GRID2: variants seen among roughly 807,000 people sequenced by gnomAD.
GRID2 encodes glutamate receptor ionotropic, delta-2.
A neutral mutation model predicts 114.8 loss-of-function variants in GRID2; 33 were observed. The observed-to-expected ratio is 0.29, with a 90% CI of 0.22 to 0.38. GRID2 has a LOEUF of 0.38. Ranked by LOEUF, GRID2 falls within the 10% of genes least tolerant of loss-of-function variation. GRID2 has a pLI of 1.00. For missense variants in GRID2, 1,184 were observed against 1,257.7 expected (o/e 0.94, Z 0.89); for synonymous variants, 505 against 449.9 (o/e 1.12, Z -1.55).
chr4:92,375,329 G>A (rs954225044), intron 1 of GRID2, among the ~76,000 whole-genome samples: 5 of 152,084 alleles, frequency 3.3e-5, no homozygotes, highest in Admixed American at 2.6e-4. Flanking sequence ...TAAAAGAAGT[G>A]TGCTTAACAT....
intron 1 of GRID2, among the ~76,000 whole-genome samples, chr4:92,571,849 T>A (rs1431689609): frequency 6.6e-6 from 1 of 151,798 alleles, no homozygotes; most frequent in Non-Finnish European, 1.5e-5. Context: ...AACAAAGACA[T>A]AACATACCAG....
chr4:92,775,214 A>C (rs1329575840), intron 2 of GRID2, among the ~76,000 whole-genome samples: 2 of 152,182 alleles, frequency 1.3e-5, no homozygotes, highest in African/African-American at 4.8e-5. Flanking sequence ...CTTAAAATTT[A>C]ATGGGAAGTT....
At chr4:92,484,311 T>A (rs550080388) in intron 1 of GRID2, among the ~76,000 whole-genome samples, 2 of 152,274 alleles carry the variant, frequency 1.3e-5, no homozygotes, top group Non-Finnish European at 2.9e-5. Context: ...AATGATTCAG[T>A]AATTCCCTTG....
At position 93,490,651 on chromosome 4, in the gene GRID2, C is replaced by T. The variant is rs781077285; in HGVS notation, c.1871C>T (p.Pro624Leu). The change falls in exon 12 of 16, where the codon CCG becomes CTG. Residue 624 changes from proline to leucine, a missense_variant. Pro to Leu is a moderately conservative substitution (Grantham distance 98). This residue lies in a region of GRID2 where 717 missense variants were observed against 796.9 expected (regional missense o/e 0.90). Transcript: ENST00000282020. The part of the protein sequence containing the change: ...GSFVQQGGEV[P>L]YTTLATRMMM... ...CTTCTTTCTACAGGCGGGGAAGTCC[C>T]GTACACGACTCTGGCTACCCGAATG... 8.1e-6 allele frequency: 13 copies of T among 1,608,266 alleles called. No homozygotes were observed. The highest frequency in any genetic ancestry group is 5.5e-5 in the South Asian group (5 of 90,794).
intron 4 of GRID2, among the ~76,000 whole-genome samples, chr4:93,152,374 A>G: frequency 6.6e-6 from 1 of 152,160 alleles, no homozygotes; most frequent in East Asian, 1.9e-4. Flanking sequence ...GAAAATGATA[A>G]GCAGAGGTGG....
chr4:93,613,537 A>T (rs1227193079), intron 13 of GRID2, among the ~76,000 whole-genome samples: 8 of 70,996 alleles, frequency 1.1e-4, no homozygotes, highest in African/African-American at 3.9e-4. Flanking sequence ...AACAGACAGG[A>T]CCCTCAGCTG....
intron 9 of GRID2, among the ~76,000 whole-genome samples, chr4:93,415,272 A>G (rs1377081916): frequency 3.9e-5 from 6 of 152,104 alleles, no homozygotes; most frequent in Admixed American, 3.9e-4. Context: ...AGATAACTGC[A>G]CTTGCAAAGT....
intron 4 of GRID2, among the ~76,000 whole-genome samples, chr4:93,190,565 C>A (rs1392634850): frequency 6.6e-6 from 1 of 152,100 alleles, no homozygotes; most frequent in Non-Finnish European, 1.5e-5. Flanking sequence ...ATGTCCTTTT[C>A]TTGGCTCTCA....
chr4:93,084,182 C>A (rs1578942346), intron 2 of GRID2, among the ~76,000 whole-genome samples: 2 of 152,122 alleles, frequency 1.3e-5, no homozygotes, highest in East Asian at 3.9e-4. Context: ...CCTCTTCACT[C>A]TTTTTTCTGT....
chr4:93,772,741 G>A lies in GRID2; in HGVS notation c.*243G>A, dbSNP rs1343596668. 5 of 494,716 alleles carry A rather than the reference G, an allele frequency of 1.0e-5. No individual in the cohort carries two copies. Among genetic ancestry groups the A allele is most frequent in the African/African-American group, 1.9e-5 (1 of 51,586 alleles). The allele number at this position is 494,716 out of a possible 1,614,324, so 30.6% of individuals were successfully genotyped here. On this transcript the variant is annotated 3_prime_UTR_variant, in exon 16 of 16. Transcript: ENST00000282020. Reference sequence around the variant, plus strand: ...CATTACTCAACTTGTTCCCCAAGAAGGTAGTGTACTAGGATCCTATTAGTC... The same window carrying A: ...CATTACTCAACTTGTTCCCCAAGAAAGTAGTGTACTAGGATCCTATTAGTC...
rs149418699 is a variant in GRID2, at chr4:92,525,969, C to T, written c.89-64162C>T. 4.3e-3 allele frequency among the ~76,000 whole-genome samples: 652 copies of T among 152,088 alleles called. 5 individuals carry two copies. Among genetic ancestry groups the T allele is most frequent in the African/African-American group, 0.014 (586 of 41,506 alleles). On this transcript the variant is annotated intron_variant, in intron 1 of 15. Transcript: ENST00000282020. ...AGAAGTGATAAGTTTTCACAAAGAA[C>T]GCTCTCTATATATTTATACTACCAC... is the stretch of plus-strand genomic sequence containing the variant.
At chr4:93,740,813 G>T (rs187066477) in intron 14 of GRID2, among the ~76,000 whole-genome samples, 5 of 151,526 alleles carry the variant, frequency 3.3e-5, no homozygotes, top group South Asian at 2.1e-4. Context: ...AGTCTACTTG[G>T]GGGGGCAAGG....
intron 2 of GRID2, among the ~76,000 whole-genome samples, chr4:92,620,770 C>T (rs1473896000): frequency 6.7e-6 from 1 of 149,326 alleles, no homozygotes; most frequent in African/African-American, 2.4e-5. Flanking sequence ...GGAAGTGGAA[C>T]ATCACACACC....
At chr4:93,071,845 A>G (rs1039476289) in intron 2 of GRID2, among the ~76,000 whole-genome samples, 1 of 152,188 alleles carries the variant, frequency 6.6e-6, no homozygotes, top group African/African-American at 2.4e-5. Context: ...AAAGCTGTCA[A>G]TATATAAAAT....
chr4:92,650,108 T>C (rs182051257), intron 2 of GRID2, among the ~76,000 whole-genome samples: 2 of 151,976 alleles, frequency 1.3e-5, no homozygotes, highest in African/African-American at 2.4e-5. Flanking sequence ...TTTCATAATA[T>C]AGGAGAGGGG....
At chr4:92,323,151 C>T (rs1726406724) in intron 1 of GRID2, among the ~76,000 whole-genome samples, 1 of 151,924 alleles carries the variant, frequency 6.6e-6, no homozygotes, top group African/African-American at 2.4e-5. Context: ...TTTGCTTTAC[C>T]TTGAGTCCCA....
intron 2 of GRID2, among the ~76,000 whole-genome samples, chr4:92,689,656 C>A (rs141418143): frequency 6.6e-6 from 1 of 152,188 alleles, no homozygotes; most frequent in Non-Finnish European, 1.5e-5. Context: ...AGTTTCATTT[C>A]GAAACCACCC....
chr4:93,591,757 A>G (rs868550575), intron 13 of GRID2, among the ~76,000 whole-genome samples: 3 of 152,188 alleles, frequency 2.0e-5, no homozygotes, highest in African/African-American at 2.4e-5. Flanking sequence ...GTATTCAGAG[A>G]TTCAACTTCT....
At chr4:93,195,296 A>G (rs1357923555) in intron 4 of GRID2, among the ~76,000 whole-genome samples, 1 of 152,146 alleles carries the variant, frequency 6.6e-6, no homozygotes, top group Non-Finnish European at 1.5e-5. Context: ...AGAGAGGGTA[A>G]GGAGAAAAGC....
Sources: gnomAD v4.1 joint callset for allele counts (sites outside exome capture counted in the v4.1 genomes callset) on GRCh38, gnomAD v4.1.1 for gene constraint, gnomAD v4.1.1 regional missense constraint, MANE v1.5 for transcripts, NCBI Gene and HGNC (gene_info 2026-07-23, HGNC 2026-07-21) for gene names.